Variants in TTC29 observed in about 807,000 individuals in gnomAD.
The protein encoded by TTC29 is tetratricopeptide repeat domain 29, also known as tetratricopeptide repeat protein 29.
In TTC29, 49 loss-of-function variants were observed where a neutral mutation model predicts 58.1. The ratio of observed to expected loss-of-function variants is 0.84; its 90% confidence interval spans 0.67 to 1.07. The LOEUF is 1.07. TTC29 is among the 50% of genes least tolerant of loss of function. The pLI, the probability that TTC29 is intolerant of heterozygous loss-of-function variation, is 0.00. For synonymous variants in TTC29, 209 were observed against 196.8 expected, an observed-to-expected ratio of 1.06 and a Z score of -0.52; for missense variants, 582 against 555.6, an observed-to-expected ratio of 1.05 and a Z score of -0.48.
chr4:146,725,451 G>T (rs932263044), intron 11 of TTC29, among the ~76,000 whole-genome samples: 1 of 152,168 alleles, frequency 6.6e-6, no homozygotes, highest in Non-Finnish European at 1.5e-5. Context: ...TGGGAAGATT[G>T]CTTGAGCCTG....
At chr4:146,726,474 G>T (rs761822756) in intron 11 of TTC29, among the ~76,000 whole-genome samples, 21 of 152,128 alleles carry the variant, frequency 1.4e-4, no homozygotes, top group Non-Finnish European at 2.4e-4. Context: ...ATTTGACTCA[G>T]TACCTACCTT....
intron 2 of TTC29, among the ~76,000 whole-genome samples, chr4:146,941,730 T>C (rs970481505): frequency 6.6e-6 from 1 of 152,172 alleles, no homozygotes; most frequent in Non-Finnish European, 1.5e-5. Context: ...AAGAATCCAT[T>C]GGAGGATACA....
chr4:146,853,223 C>G (rs962743561), intron 8 of TTC29, among the ~76,000 whole-genome samples: 4 of 152,000 alleles, frequency 2.6e-5, no homozygotes, highest in African/African-American at 9.7e-5. Flanking sequence ...CCAATCTCCC[C>G]CAAAAATAGA....
At chr4:146,909,332 G>A in intron 4 of TTC29, 83 bp from the exon 5 acceptor site, 1 of 1,071,830 alleles carries the variant, frequency 9.3e-7, no homozygotes, top group Non-Finnish European at 1.3e-6. Flanking sequence ...ATAATTAAAG[G>A]TTGAATCATG....
chr4:146,888,690 G>A (rs771994550), intron 6 of TTC29, among the ~76,000 whole-genome samples: 1 of 152,096 alleles, frequency 6.6e-6, no homozygotes, highest in African/African-American at 2.4e-5. Context: ...TTAATATTAG[G>A]CTCCTTCTCT....
chr4:146,763,593 C>A (rs912795481), intron 11 of TTC29, among the ~76,000 whole-genome samples: 1 of 151,996 alleles, frequency 6.6e-6, no homozygotes, highest in African/African-American at 2.4e-5. Flanking sequence ...TAAGGCAACA[C>A]GATGAGCAGG....
At chr4:146,730,392 C>G (rs1395841919) in intron 11 of TTC29, among the ~76,000 whole-genome samples, 1 of 151,914 alleles carries the variant, frequency 6.6e-6, no homozygotes, top group Non-Finnish European at 1.5e-5. Flanking sequence ...ATTATGTACA[C>G]AAGTGAGGAA....
intron 11 of TTC29, among the ~76,000 whole-genome samples, chr4:146,754,489 T>G (rs1004908736): frequency 2.6e-5 from 4 of 152,180 alleles, no homozygotes; most frequent in African/African-American, 9.6e-5. Context: ...TACAGGCCAA[T>G]TTTTCTGATG....
chr4:146,875,040 T>C, intron 6 of TTC29, 112 bp from the exon 7 acceptor site: 1 of 779,314 alleles, frequency 1.3e-6, no homozygotes, highest in East Asian at 2.7e-5. Flanking sequence ...AGGATTATGG[T>C]GAAGGATTTC....
intron 11 of TTC29, among the ~76,000 whole-genome samples, chr4:146,728,769 ATACACATATATATGTG>A (rs1744001853): frequency 7.7e-6 from 1 of 130,504 alleles, no homozygotes; most frequent in Admixed American, 8.1e-5. Context: ...GTACATATAT[ATACACATATATATGTG>A]TATATATACG....
chr4:146,894,159 A>C (rs1732588970), intron 6 of TTC29, among the ~76,000 whole-genome samples: 2 of 152,144 alleles, frequency 1.3e-5, no homozygotes, highest in Non-Finnish European at 1.5e-5. Context: ...ATACCATTTG[A>C]CCCAGCAATC....
At chr4:146,832,583 T>C (rs1312499102) in intron 9 of TTC29, among the ~76,000 whole-genome samples, 1 of 152,222 alleles carries the variant, frequency 6.6e-6, no homozygotes, top group African/African-American at 2.4e-5. Context: ...GTGATTCTCC[T>C]GCCTCAGCCT....
rs147633349 is a variant in TTC29, at chr4:146,878,144, T to C, written c.587-3216A>G. Among the ~76,000 whole-genome samples, 1,297 of 152,272 alleles carry C rather than the reference T, an allele frequency of 8.5e-3. 18 individuals carry two copies. Among genetic ancestry groups the C allele is most frequent in the African/African-American group, 0.029 (1,202 of 41,570 alleles). ...GAAGTGAGGATGGTCCTCAGGACAC[T>C]GGTTTCAGCTGGTGACTACAGAAGG... On this transcript the variant is annotated intron_variant, in intron 6 of 12. Coordinates refer to ENST00000325106, the MANE Select transcript of TTC29 (RefSeq NM_031956.4).
At chr4:146,774,395 T>A (rs1747944948) in intron 11 of TTC29, among the ~76,000 whole-genome samples, 1 of 152,192 alleles carries the variant, frequency 6.6e-6, no homozygotes, top group South Asian at 2.1e-4. Context: ...AATGTTGCTT[T>A]AGCTGCATCC....
At chr4:146,880,919 T>C (rs1731581429) in intron 6 of TTC29, among the ~76,000 whole-genome samples, 1 of 151,816 alleles carries the variant, frequency 6.6e-6, no homozygotes, top group African/African-American at 2.4e-5. Flanking sequence ...CATTCAGCAG[T>C]GCATTGATTA....
intron 11 of TTC29, among the ~76,000 whole-genome samples, chr4:146,790,484 G>C (rs1411747844): frequency 6.6e-6 from 1 of 151,698 alleles, no homozygotes; most frequent in Non-Finnish European, 1.5e-5. Context: ...ACTGCACCCG[G>C]CCACTAAACC....
At chr4:146,840,355 A>C (rs779817549) in intron 8 of TTC29, among the ~76,000 whole-genome samples, 1 of 152,170 alleles carries the variant, frequency 6.6e-6, no homozygotes, top group Non-Finnish European at 1.5e-5. Flanking sequence ...CACTTTCTTC[A>C]TAACGCCCAA....
intron 4 of TTC29, among the ~76,000 whole-genome samples, 158 bp downstream of exon 4, chr4:146,937,436 C>T (rs1333869837): frequency 6.6e-6 from 1 of 151,832 alleles, no homozygotes; most frequent in Non-Finnish European, 1.5e-5. Flanking sequence ...TGTGTGAGAT[C>T]AATAGACATG....
intron 11 of TTC29, among the ~76,000 whole-genome samples, chr4:146,768,971 CTGATAATGAGCTAAATATT>C (rs561185397): frequency 2.6e-4 from 39 of 152,036 alleles, no homozygotes; most frequent in African/African-American, 6.7e-4. Context: ...GCTATTAAAA[CTGATAATGAGCTAAATATT>C]TGCCATAGCA....
Sources: allele counts gnomAD v4.1 joint callset (sites outside exome capture counted in the v4.1 genomes callset), GRCh38; gene constraint gnomAD v4.1.1; transcripts MANE v1.5; gene names NCBI Gene and HGNC (gene_info 2026-07-23, HGNC 2026-07-21).